Variants in GREB1L observed in about 807,000 individuals in gnomAD.
The protein encoded by GREB1L is GREB1 like retinoic acid receptor coactivator.
In GREB1L, 17 loss-of-function variants were observed where a neutral mutation model predicts 200.8. That is an observed-to-expected ratio of 0.08 (90% CI 0.06 to 0.13). The LOEUF (loss-of-function observed/expected upper bound fraction) is 0.13, where lower values mean the gene tolerates loss of function less well. Among genes scored for constraint, GREB1L ranks in the 10% least tolerant of loss-of-function variants. The probability of loss-of-function intolerance (pLI) is 1.00; values close to 1 mark genes in which losing one functional copy is unlikely to be tolerated. For synonymous variants in GREB1L, 789 were observed against 893.0 expected (o/e 0.88, Z 2.08); for missense variants, 1,657 against 2,367.7 (o/e 0.70, Z 6.23).
chr18:21,365,163 C>A (rs183712958), intron 1 of GREB1L, among the ~76,000 whole-genome samples: 1,611 of 151,902 alleles, frequency 0.011, 21 homozygotes, highest in Non-Finnish European at 0.016. Flanking sequence ...ATGAAAAAAA[C>A]CATTTTTAGA....
At chr18:21,450,286 T>C (rs1185297710) in intron 12 of GREB1L, among the ~76,000 whole-genome samples, 1 of 151,982 alleles carries the variant, frequency 6.6e-6, no homozygotes, top group African/African-American at 2.4e-5. Flanking sequence ...AGAAAGTTGG[T>C]ACACTACAAA....
At chr18:21,438,259 T>G (rs2033670196) in intron 7 of GREB1L, among the ~76,000 whole-genome samples, 1 of 151,924 alleles carries the variant, frequency 6.6e-6, no homozygotes, top group African/African-American at 2.4e-5. Flanking sequence ...GATGATGGAG[T>G]GAGACCCTGT....
At chr18:21,348,100 A>G (rs1300024227) in intron 1 of GREB1L, among the ~76,000 whole-genome samples, 2 of 151,312 alleles carry the variant, frequency 1.3e-5, no homozygotes, top group East Asian at 2.0e-4. Context: ...ACCCACCACC[A>G]TGCCCGGCTA....
At chr18:21,301,225 A>G (rs1345221603) in intron 1 of GREB1L, among the ~76,000 whole-genome samples, 7 of 152,200 alleles carry the variant, frequency 4.6e-5, no homozygotes, top group Admixed American at 1.3e-4. Context: ...ATCTATGTGC[A>G]TTGTTAGAGT....
intron 32 of GREB1L, among the ~76,000 whole-genome samples, chr18:21,521,858 G>A (rs147543409): frequency 1.5e-3 from 232 of 151,886 alleles, no homozygotes; most frequent in Non-Finnish European, 2.3e-3. Context: ...CAAAAAATTA[G>A]CTGGGAGTGG....
chr18:21,486,390 C>T (rs568044610), intron 18 of GREB1L, among the ~76,000 whole-genome samples: 1 of 152,014 alleles, frequency 6.6e-6, no homozygotes, highest in Non-Finnish European at 1.5e-5. Context: ...CTCTGAGCTC[C>T]GGCCTCTCCT....
chr18:21,363,412 CTT>C (rs2039612093), intron 1 of GREB1L, among the ~76,000 whole-genome samples: 1 of 151,624 alleles, frequency 6.6e-6, no homozygotes, highest in African/African-American at 2.4e-5. Context: ...AATAATCACT[CTT>C]TTCTGCCTTT....
At position 21,438,442 on chromosome 18, in the gene GREB1L, A is replaced by G. The variant is rs374892894; in HGVS notation, c.833-1079A>G. ...CACTTTGGGAAGCCAAGGTGGAAGG[A>G]TTGCTTGAGGCCAGGAGTTCGAGAC... On this transcript the variant is annotated intron_variant, in intron 7 of 32. Coordinates refer to ENST00000424526, the MANE Select transcript of GREB1L (RefSeq NM_001142966.3). 1.1e-4 allele frequency among the ~76,000 whole-genome samples: 17 copies of G among 152,158 alleles called. 1 individual carries two copies. Among genetic ancestry groups the G allele is most frequent in the African/African-American group, 4.1e-4 (17 of 41,516 alleles).
At chr18:21,375,075 T>C (rs886699300) in intron 2 of GREB1L, among the ~76,000 whole-genome samples, 2 of 151,606 alleles carry the variant, frequency 1.3e-5, no homozygotes, top group Admixed American at 6.6e-5. Context: ...TTTTTGTTTT[T>C]TTTTTTGAGA....
chr18:21,391,293 T>A (rs2040793541), intron 4 of GREB1L, among the ~76,000 whole-genome samples: 1 of 152,246 alleles, frequency 6.6e-6, no homozygotes, highest in Non-Finnish European at 1.5e-5. Context: ...ACTTAACCAT[T>A]GTGTTACAAC....
chr18:21,424,459 C>T (rs2032404324), intron 7 of GREB1L, among the ~76,000 whole-genome samples: 1 of 152,030 alleles, frequency 6.6e-6, no homozygotes, highest in Non-Finnish European at 1.5e-5. Context: ...ATCCCAGCTA[C>T]TTGGGAAGCT....
intron 1 of GREB1L, among the ~76,000 whole-genome samples, chr18:21,313,383 A>G (rs1395020756): frequency 6.6e-6 from 1 of 152,200 alleles, no homozygotes; most frequent in Non-Finnish European, 1.5e-5. Flanking sequence ...TACTTACTAA[A>G]AGCCAATTAT....
At chr18:21,451,703 A>G (rs1197664348) in intron 13 of GREB1L, among the ~76,000 whole-genome samples, 1 of 151,714 alleles carries the variant, frequency 6.6e-6, no homozygotes, top group Non-Finnish European at 1.5e-5. Flanking sequence ...TTTGTTGCCC[A>G]GACTGGACTC....
chr18:21,244,462 C>T (rs1292323774), intron 1 of GREB1L, among the ~76,000 whole-genome samples: 2 of 152,110 alleles, frequency 1.3e-5, no homozygotes, highest in African/African-American at 2.4e-5. Context: ...GCCACAAACC[C>T]GCCACACGAC....
At chr18:21,447,830 T>C (rs1201500020) in intron 11 of GREB1L, among the ~76,000 whole-genome samples, 2 of 152,150 alleles carry the variant, frequency 1.3e-5, no homozygotes, top group Non-Finnish European at 2.9e-5. Context: ...AGGTGATTTT[T>C]TTTTAAAGAG....
intron 2 of GREB1L, among the ~76,000 whole-genome samples, chr18:21,383,197 G>A (rs181855783): frequency 1.1e-4 from 17 of 152,114 alleles, no homozygotes; most frequent in Admixed American, 1.1e-3. Context: ...AACCAGGTTG[G>A]GATTCATGAC....
chr18:21,323,607 T>C (rs946838645), intron 1 of GREB1L, among the ~76,000 whole-genome samples: 2 of 152,124 alleles, frequency 1.3e-5, no homozygotes, highest in African/African-American at 2.4e-5. Context: ...AAGATGGGCA[T>C]AGTACCTGTG....
intron 19 of GREB1L, among the ~76,000 whole-genome samples, chr18:21,493,087 A>G (rs774725324): frequency 3.9e-4 from 59 of 152,206 alleles, no homozygotes; most frequent in Non-Finnish European, 7.8e-4. Context: ...GCAAGACTGA[A>G]TTGTCAAGTA....
At chr18:21,360,283 A>G (rs2039563342) in intron 1 of GREB1L, among the ~76,000 whole-genome samples, 1 of 152,182 alleles carries the variant, frequency 6.6e-6, no homozygotes, top group South Asian at 2.1e-4. Context: ...CAGTGACACG[A>G]TCTCGGCTCC....
Sources: gnomAD v4.1 joint callset for allele counts (sites outside exome capture counted in the v4.1 genomes callset) on GRCh38, gnomAD v4.1.1 for gene constraint, MANE v1.5 for transcripts, NCBI Gene and HGNC (gene_info 2026-07-23, HGNC 2026-07-21) for gene names.